ADCY2: variants seen among roughly 807,000 people sequenced by gnomAD.
ADCY2 encodes the protein adenylate cyclase type 2.
In ADCY2, 31 loss-of-function variants were observed where a neutral mutation model predicts 125.2. The ratio of observed to expected loss-of-function variants is 0.25; its 90% confidence interval spans 0.19 to 0.33. ADCY2 has a LOEUF of 0.33. Ranked by LOEUF, ADCY2 falls within the 10% of genes least tolerant of loss-of-function variation. The pLI is 1.00. For missense variants in ADCY2, 904 were observed against 1,418.2 expected, an observed-to-expected ratio of 0.64 and a Z score of 5.82; for synonymous variants, 512 against 548.4, an observed-to-expected ratio of 0.93 and a Z score of 0.93.
At chr5:7,668,636 G>T (rs1311451059) in intron 4 of ADCY2, among the ~76,000 whole-genome samples, 1 of 152,128 alleles carries the variant, frequency 6.6e-6, no homozygotes, top group Non-Finnish European at 1.5e-5. Flanking sequence ...TGTTTATGTG[G>T]GGAAAAATAA....
intron 17 of ADCY2, among the ~76,000 whole-genome samples, chr5:7,771,293 C>G (rs1292216014): frequency 6.6e-6 from 1 of 152,180 alleles, no homozygotes. Context: ...TCTTCTTTTC[C>G]TTTTCCTGTT....
chr5:7,580,643 A>G (rs536390931), intron 3 of ADCY2, among the ~76,000 whole-genome samples: 1 of 152,324 alleles, frequency 6.6e-6, no homozygotes, highest in African/African-American at 2.4e-5. Context: ...AAGGAGTGAG[A>G]GAGGATGGAG....
intron 4 of ADCY2, among the ~76,000 whole-genome samples, chr5:7,626,866 A>T (rs1738148081): frequency 6.6e-6 from 1 of 152,172 alleles, no homozygotes; most frequent in African/African-American, 2.4e-5. Flanking sequence ...TGGAGAGGAC[A>T]AGCATCTAAA....
chr5:7,705,380 C>T (rs992387041), intron 7 of ADCY2, among the ~76,000 whole-genome samples: 1 of 152,248 alleles, frequency 6.6e-6, no homozygotes, highest in African/African-American at 2.4e-5. Context: ...AGGGCAGTTA[C>T]AGGACAGAGG....
intron 2 of ADCY2, among the ~76,000 whole-genome samples, chr5:7,486,656 T>C (rs540724571): frequency 6.6e-6 from 1 of 152,222 alleles, no homozygotes; most frequent in African/African-American, 2.4e-5. Context: ...TTCACCTTGC[T>C]CACATAGCAA....
intron 3 of ADCY2, among the ~76,000 whole-genome samples, chr5:7,586,094 T>C (rs1736615846): frequency 6.6e-6 from 1 of 152,248 alleles, no homozygotes; most frequent in Admixed American, 6.5e-5. Context: ...TGTATTCTAG[T>C]AACTGGTAAA....
At chr5:7,522,936 C>A (rs1274073861) in intron 3 of ADCY2, among the ~76,000 whole-genome samples, 48 of 140,138 alleles carry the variant, frequency 3.4e-4, no homozygotes, top group East Asian at 8.5e-4. Context: ...AAAAAAAAAA[C>A]AAAAAAAAAC....
intron 3 of ADCY2, among the ~76,000 whole-genome samples, chr5:7,555,859 C>A (rs1735493251): frequency 6.9e-6 from 1 of 145,348 alleles, no homozygotes; most frequent in Non-Finnish European, 1.5e-5. Flanking sequence ...TGAGCGCACA[C>A]ACACACACAC....
At chr5:7,605,861 G>A (rs1737356117) in intron 3 of ADCY2, among the ~76,000 whole-genome samples, 1 of 58,758 alleles carries the variant, frequency 1.7e-5, no homozygotes, top group Non-Finnish European at 3.5e-5. Flanking sequence ...GAATAGGAGC[G>A]GTGAGAGAGG....
At chr5:7,576,328 A>T (rs1301491164) in intron 3 of ADCY2, among the ~76,000 whole-genome samples, 1 of 152,266 alleles carries the variant, frequency 6.6e-6, no homozygotes, top group Non-Finnish European at 1.5e-5. Context: ...TGTACACTCC[A>T]GAGATGCTCC....
rs1318932418 is a variant in ADCY2, at chr5:7,712,943, T to C, written c.1622+44T>C. On this transcript the variant is annotated intron_variant, in intron 11 of 24. Transcript: ENST00000338316. The stretch of plus-strand genomic sequence containing the variant: ...TGATTTTTTAAAGCTTATTGCTCTT[T>C]ATTCATTTCTGAGAGTAATTATCAT... 2.2e-6 allele frequency: 3 copies of C among 1,379,128 alleles called. No homozygotes were observed. In the East Asian group the frequency reaches 6.9e-5, roughly 32 times the overall value. The allele number at this position is 1,379,128 out of a possible 1,614,324, so 85.4% of individuals were successfully genotyped here.
intron 4 of ADCY2, among the ~76,000 whole-genome samples, chr5:7,670,693 G>C (rs1739904356): frequency 6.6e-6 from 1 of 152,142 alleles, no homozygotes; most frequent in Admixed American, 6.5e-5. Context: ...TTCACCCTCA[G>C]ATCATCAGTC....
chr5:7,587,232 G>C lies in ADCY2; in HGVS notation c.571-38935G>C, dbSNP rs368862658. Among the ~76,000 whole-genome samples the C allele has an allele frequency of 2.8e-4, 42 of 152,102 alleles. No individual in the cohort carries two copies. The East Asian group carries it at 5.8e-3, about 21-fold the overall frequency. On this transcript the variant is annotated intron_variant, in intron 3 of 24. Coordinates refer to ENST00000338316, the MANE Select transcript of ADCY2 (RefSeq NM_020546.3). ...TTAACTCAGGGATCACCTGCTGCAG[G>C]GTGTCCCCACTCACCCTGCTTCCTT...
intron 2 of ADCY2, among the ~76,000 whole-genome samples, chr5:7,487,487 C>T (rs965888714): frequency 6.6e-6 from 1 of 152,204 alleles, no homozygotes; most frequent in African/African-American, 2.4e-5. Flanking sequence ...TGTCTAGAAG[C>T]TTTGTGAAGG....
chr5:7,709,101 G>A lies in ADCY2; in HGVS notation c.1402-110G>A. 8 of 1,106,598 alleles carry A rather than the reference G, an allele frequency of 7.2e-6. No individual in the cohort carries two copies. The highest frequency in any genetic ancestry group is 9.8e-6 in the Non-Finnish European group (8 of 819,542). 68.5% of individuals were successfully genotyped at this position (1,106,598 alleles called of 1,614,324 possible). A position where few individuals can be genotyped will look rare whatever the true frequency, so the allele number is the denominator to read the frequency against. On this transcript the variant is annotated intron_variant, in intron 9 of 24. Coordinates refer to ENST00000338316, the MANE Select transcript of ADCY2 (RefSeq NM_020546.3). The surrounding 1 kb of genome is among the most constrained non-coding windows in gnomAD (Gnocchi z 4.4). ...AATAAGGACAGAAAACACAGAGGGC[G>A]AATAGAGGGCTGTCAGGAGGAATGA...
intron 3 of ADCY2, among the ~76,000 whole-genome samples, chr5:7,524,300 C>T (rs761821484): frequency 2.4e-4 from 36 of 151,960 alleles, no homozygotes; most frequent in Non-Finnish European, 3.8e-4. Flanking sequence ...TTTTGCTAAG[C>T]CATTTAGAGG....
In ADCY2 at chr5:7,709,386, C is replaced by T. The variant is rs367552079; in HGVS notation, c.1577C>T (p.Thr526Met). The T allele has an allele frequency of 1.1e-5, 18 of 1,588,884 alleles. No homozygotes were observed. The highest frequency in any genetic ancestry group is 1.4e-5 in the Non-Finnish European group (16 of 1,167,802). Reference sequence around the variant, plus strand: ...ACAGAGAACGGCAAGATCAGCACCACGGTATGCCCTCCCCTGCCTCCAATG... The same window carrying T: ...ACAGAGAACGGCAAGATCAGCACCATGGTATGCCCTCCCCTGCCTCCAATG... ...MTTENGKIST[T>M]DVPMGQHNFQ... Residue 526 changes from threonine to methionine, a missense_variant and splice_region_variant, in exon 10 of 25, where the codon ACG (threonine) becomes ATG (methionine). Coordinates refer to ENST00000338316, the MANE Select transcript of ADCY2 (RefSeq NM_020546.3). The surrounding 1 kb of genome is among the most constrained non-coding windows in gnomAD (Gnocchi z 4.4).
chr5:7,700,493 T>C (rs896278555), intron 7 of ADCY2, among the ~76,000 whole-genome samples: 1 of 65,838 alleles, frequency 1.5e-5, no homozygotes, highest in African/African-American at 5.5e-5. Context: ...TTTGACCTTA[T>C]CCTCAACTTT....
chr5:7,587,510 A>G (rs1736670902), intron 3 of ADCY2, among the ~76,000 whole-genome samples: 2 of 152,186 alleles, frequency 1.3e-5, no homozygotes, highest in South Asian at 4.1e-4. Flanking sequence ...TTCGTTCTCA[A>G]CGACCAGCCT....
Sources: allele counts gnomAD v4.1 joint callset (sites outside exome capture counted in the v4.1 genomes callset), GRCh38; gene constraint gnomAD v4.1.1; non-coding constraint Gnocchi (gnomAD v3.1); transcripts MANE v1.5; gene names NCBI Gene and HGNC (gene_info 2026-07-23, HGNC 2026-07-21).